The following RTN4RL1 variants were observed in gnomAD, a reference collection of about 807,000 sequenced individuals.
RTN4RL1 encodes the protein reticulon 4 receptor like 1, also known as reticulon-4 receptor-like 1.
RTN4RL1 carries 7 observed loss-of-function variants against 25.6 expected under a neutral mutation model. That is an observed-to-expected ratio of 0.27 (90% confidence interval 0.16 to 0.51). The LOEUF (loss-of-function observed/expected upper bound fraction) is 0.51. RTN4RL1 is among the 20% of genes least tolerant of loss of function. The pLI is 0.97. For missense variants in RTN4RL1, 500 were observed against 615.6 expected (o/e 0.81, Z 1.99); for synonymous variants, 297 against 288.2 (o/e 1.03, Z -0.31).
At chr17:1,955,553 C>G (rs1032424813) in intron 1 of RTN4RL1, among the ~76,000 whole-genome samples, 2 of 149,894 alleles carry the variant, frequency 1.3e-5, no homozygotes, top group African/African-American at 2.4e-5. Context: ...GAGACCCTAT[C>G]TCAAAATAAT....
chr17:2,009,031 A>G (rs1158996166), intron 1 of RTN4RL1, among the ~76,000 whole-genome samples: 1 of 152,166 alleles, frequency 6.6e-6, no homozygotes, highest in Non-Finnish European at 1.5e-5. Context: ...AAATGACTAC[A>G]AGGCACAGGG....
chr17:1,954,240 C>T (rs1321406096), intron 1 of RTN4RL1, among the ~76,000 whole-genome samples: 2 of 152,132 alleles, frequency 1.3e-5, no homozygotes, highest in African/African-American at 4.8e-5. Context: ...GACAAGATTT[C>T]TCTTGCTTAC....
In RTN4RL1 at chr17:1,998,327, GC is replaced by G; in HGVS notation, c.13+26525del. Among the ~76,000 whole-genome samples, 1 of 152,282 alleles carries G rather than the reference GC, an allele frequency of 6.6e-6. No individual in the cohort carries two copies. Among genetic ancestry groups the G allele is most frequent in the Non-Finnish European group, 1.5e-5 (1 of 68,008 alleles). ...AGCCGAGCGCGCCCTTTGGGCACCG[GC>G]CCCGCCCGGGAGGGTCTTCTCGCTC... On this transcript the variant is annotated intron_variant, in intron 1 of 1. Transcript: ENST00000331238. The surrounding 1 kb of genome is among the most constrained non-coding windows in gnomAD (Gnocchi z 4.9).
chr17:1,962,863 G>GAA (rs367639702), intron 1 of RTN4RL1, among the ~76,000 whole-genome samples: 2 of 114,844 alleles, frequency 1.7e-5, no homozygotes, highest in African/African-American at 3.5e-5. Context: ...CTCGATCTCA[G>GAA]AAAAAAAAAA....
In RTN4RL1 at chr17:1,973,805, G is replaced by A. The variant is rs1042093761; in HGVS notation, c.14-35997C>T. Among the ~76,000 whole-genome samples the A allele has an allele frequency of 4.6e-5, 7 of 152,248 alleles. No homozygotes were observed. The East Asian group carries it at 1.2e-3, about 25-fold the overall frequency. ...TGTAATCCCAGCACTTTGGGAGGCC[G>A]AGACAGGCGGATCACCTGAGGTCAG... is the stretch of plus-strand genomic sequence containing the variant. On this transcript the variant is annotated intron_variant, in intron 1 of 1. Coordinates refer to ENST00000331238, the MANE Select transcript of RTN4RL1 (RefSeq NM_178568.4).
chr17:2,009,570 C>T (rs1177542947), intron 1 of RTN4RL1, among the ~76,000 whole-genome samples: 2 of 111,252 alleles, frequency 1.8e-5, no homozygotes, highest in Non-Finnish European at 3.6e-5. Context: ...CCAGCCTGGG[C>T]GACAGAGCAA....
At chr17:1,952,869 G>C (rs1915712803) in intron 1 of RTN4RL1, among the ~76,000 whole-genome samples, 1 of 150,460 alleles carries the variant, frequency 6.6e-6, no homozygotes, top group South Asian at 2.1e-4. Flanking sequence ...CTGAGGTCAG[G>C]AGTTCAAGAC....
chr17:2,009,542 A>C (rs1176242127), intron 1 of RTN4RL1, among the ~76,000 whole-genome samples: 1 of 119,642 alleles, frequency 8.4e-6, no homozygotes, highest in Non-Finnish European at 1.7e-5. Context: ...CAATGAGCCG[A>C]GATCACGCCA....
At chr17:1,961,708 A>C (rs1009182138) in intron 1 of RTN4RL1, among the ~76,000 whole-genome samples, 2 of 146,514 alleles carry the variant, frequency 1.4e-5, no homozygotes, top group African/African-American at 5.1e-5. Flanking sequence ...CGGGCAGATC[A>C]CTTGAGGTCA....
At chr17:2,005,708 G>C (rs1305839031) in intron 1 of RTN4RL1, among the ~76,000 whole-genome samples, 1 of 150,572 alleles carries the variant, frequency 6.6e-6, no homozygotes, top group Non-Finnish European at 1.5e-5. Flanking sequence ...CTCCAGCCTG[G>C]ACACCAGAGC....
At chr17:1,982,613 CAAAAG>C (rs71150842) in intron 1 of RTN4RL1, among the ~76,000 whole-genome samples, 18,113 of 148,936 alleles carry the variant, frequency 0.12, 1,172 homozygotes, top group African/African-American at 0.15. Context: ...GACTCCGTCT[CAAAAG>C]AAAAGAAAAG....
chr17:1,985,863 C>A (rs1437231279), intron 1 of RTN4RL1, among the ~76,000 whole-genome samples: 1 of 152,084 alleles, frequency 6.6e-6, no homozygotes, highest in Non-Finnish European at 1.5e-5. Flanking sequence ...CACTGTAAAT[C>A]ACAGGGTTCC....
intron 1 of RTN4RL1, among the ~76,000 whole-genome samples, chr17:1,949,419 C>T (rs891206723): frequency 6.6e-6 from 1 of 152,176 alleles, no homozygotes; most frequent in African/African-American, 2.4e-5. Flanking sequence ...TCTTGAAGGC[C>T]CTGGTGCTCA....
chr17:2,014,992 T>TGAAGGGTTCTAA (rs2067101904), intron 1 of RTN4RL1, among the ~76,000 whole-genome samples: 3 of 152,048 alleles, frequency 2.0e-5, no homozygotes, highest in African/African-American at 7.2e-5. Context: ...AGGGAATCGC[T>TGAAGGGTTCTAA]GAAGGGTTCT....
intron 1 of RTN4RL1, among the ~76,000 whole-genome samples, chr17:1,992,151 T>C (rs1567518687): frequency 1.3e-5 from 2 of 151,362 alleles, no homozygotes; most frequent in South Asian, 2.1e-4. Flanking sequence ...GATGACGAGG[T>C]CAGGAGAACG....
At chr17:1,960,510 C>T (rs9894201) in intron 1 of RTN4RL1, among the ~76,000 whole-genome samples, 7,890 of 152,180 alleles carry the variant, frequency 0.052, 442 homozygotes, top group African/African-American at 0.14. Flanking sequence ...TAGACCACAG[C>T]GAGCTCATTC....
Position 1,936,076 on chromosome 17 carries a change from CTCA to C in RTN4RL1, c.*417_*419del, listed in dbSNP as rs983695356. 6.1e-5 allele frequency: 61 copies of C among 1,000,582 alleles called. No individual in the cohort carries two copies. Among genetic ancestry groups the C allele is most frequent in the Non-Finnish European group, 7.0e-5 (59 of 839,922 alleles). The allele number at this position is 1,000,582 out of a possible 1,614,324, so 62.0% of individuals were successfully genotyped here. ...TGGCCACCCAGCCTCGTGGGTGAGCCTCATTTGTTCTTCTCTGCGTCCTGCTTT... is the reference window on the plus strand; with the variant it reads ...TGGCCACCCAGCCTCGTGGGTGAGCCTTTGTTCTTCTCTGCGTCCTGCTTT... On this transcript the variant is annotated 3_prime_UTR_variant, in exon 2 of 2. Coordinates refer to ENST00000331238, the MANE Select transcript of RTN4RL1 (RefSeq NM_178568.4).
chr17:1,976,652 C>A lies in RTN4RL1; in HGVS notation c.14-38844G>T, dbSNP rs555586878. On this transcript the variant is annotated intron_variant, in intron 1 of 1. Transcript: ENST00000331238. Reference sequence around the variant, plus strand: ...GTTTATCTGAGTACCTAGTTACAGTCCCTGAATCTAGGCAAAAACCACTGC... The same window carrying A: ...GTTTATCTGAGTACCTAGTTACAGTACCTGAATCTAGGCAAAAACCACTGC... Among the ~76,000 whole-genome samples, 39 of 152,288 alleles carry A rather than the reference C, an allele frequency of 2.6e-4. 1 individual carries two copies. The South Asian group carries it at 7.9e-3, about 31-fold the overall frequency.
intron 1 of RTN4RL1, among the ~76,000 whole-genome samples, chr17:1,984,069 G>A (rs1174737803): frequency 6.6e-6 from 1 of 152,230 alleles, no homozygotes; most frequent in Non-Finnish European, 1.5e-5. Context: ...GGTGGGCAGG[G>A]CGGGCAGCAC....
Sources: gnomAD v4.1 joint callset for allele counts (sites outside exome capture counted in the v4.1 genomes callset) on GRCh38, gnomAD v4.1.1 for gene constraint, Gnocchi (gnomAD v3.1) non-coding constraint, MANE v1.5 for transcripts, NCBI Gene and HGNC (gene_info 2026-07-23, HGNC 2026-07-21) for gene names.